The following ITGBL1 variants were observed in gnomAD, a reference collection of about 807,000 sequenced individuals.
The protein encoded by ITGBL1 is integrin subunit beta like 1, also known as integrin beta-like protein 1.
In ITGBL1, 51 loss-of-function variants were observed where a neutral mutation model predicts 68.5. That is an observed-to-expected ratio of 0.74 (90% CI 0.59 to 0.94). ITGBL1 has a LOEUF of 0.94. Ranked by LOEUF, ITGBL1 falls within the 40% of genes least tolerant of loss-of-function variation. ITGBL1 has a pLI of 0.00. For missense variants in ITGBL1, 649 were observed against 647.4 expected (o/e 1.00, Z -0.03); for synonymous variants, 209 against 227.3 (o/e 0.92, Z 0.72).
At chr13:101,709,078 G>C (rs1460061047) in intron 9 of ITGBL1, among the ~76,000 whole-genome samples, 1 of 152,202 alleles carries the variant, frequency 6.6e-6, no homozygotes, top group East Asian at 1.9e-4. Flanking sequence ...AGGAAGAAAA[G>C]CAGGAGGCCG....
chr13:101,631,497 A>G (rs1003260266), intron 7 of ITGBL1, among the ~76,000 whole-genome samples: 1 of 152,140 alleles, frequency 6.6e-6, no homozygotes, highest in African/African-American at 2.4e-5. Flanking sequence ...AGATACCCAC[A>G]CAGAGAAACT....
intron 7 of ITGBL1, among the ~76,000 whole-genome samples, chr13:101,609,392 A>G (rs1314954658): frequency 6.6e-6 from 1 of 152,080 alleles, no homozygotes; most frequent in Non-Finnish European, 1.5e-5. Flanking sequence ...GGTGCTCAGA[A>G]TAGTCATCTA....
intron 7 of ITGBL1, among the ~76,000 whole-genome samples, chr13:101,604,704 C>G (rs2030584052): frequency 6.7e-6 from 1 of 149,918 alleles, no homozygotes; most frequent in Non-Finnish European, 1.5e-5. Context: ...TGAATGAAAA[C>G]TGCAGCTGTG....
At chr13:101,572,436 T>C (rs935231083) in intron 3 of ITGBL1, among the ~76,000 whole-genome samples, 1 of 151,552 alleles carries the variant, frequency 6.6e-6, no homozygotes, top group African/African-American at 2.4e-5. Context: ...TGTACAGGAG[T>C]GTGGGCTGGT....
In ITGBL1 at chr13:101,702,541, A is replaced by G. The variant is rs140260153; in HGVS notation, c.1133-4215A>G. Among the ~76,000 whole-genome samples, 26 of 152,174 alleles carry G rather than the reference A, an allele frequency of 1.7e-4. No homozygotes were observed. In the East Asian group the frequency reaches 4.6e-3, roughly 27 times the overall value. On this transcript the variant is annotated intron_variant, in intron 8 of 10. Transcript: ENST00000376180. ...CTTGCTGTATCCTACACATTTTCAT[A>G]ATATGTATTTTCATTTTCCATATAG...
chr13:101,464,012 G>A (rs570137610), intron 2 of ITGBL1, among the ~76,000 whole-genome samples: 2 of 148,726 alleles, frequency 1.3e-5, no homozygotes, highest in South Asian at 2.1e-4. Flanking sequence ...GGATTCAAAC[G>A]AATCTCCTGC....
chr13:101,471,938 G>C (rs997472523), intron 2 of ITGBL1, among the ~76,000 whole-genome samples: 3 of 152,028 alleles, frequency 2.0e-5, no homozygotes, highest in African/African-American at 7.2e-5. Flanking sequence ...TTATTGACAT[G>C]ATCATAAACA....
intron 7 of ITGBL1, among the ~76,000 whole-genome samples, chr13:101,659,246 A>G (rs2033019936): frequency 6.6e-6 from 1 of 152,120 alleles, no homozygotes; most frequent in South Asian, 2.1e-4. Context: ...AGCTTTAAGA[A>G]CAAATACTGT....
intron 7 of ITGBL1, among the ~76,000 whole-genome samples, chr13:101,616,868 G>A (rs1594933167): frequency 6.6e-6 from 1 of 152,268 alleles, no homozygotes; most frequent in East Asian, 1.9e-4. Context: ...AGGGAGTTGG[G>A]GAATCCCATA....
intron 2 of ITGBL1, among the ~76,000 whole-genome samples, chr13:101,456,005 C>T (rs1256691903): frequency 2.0e-5 from 3 of 152,040 alleles, no homozygotes; most frequent in South Asian, 4.2e-4. Flanking sequence ...TGCTTTTCTC[C>T]GAGAAACTAT....
intron 8 of ITGBL1, among the ~76,000 whole-genome samples, chr13:101,701,106 A>T (rs1395755152): frequency 6.6e-6 from 1 of 152,214 alleles, no homozygotes; most frequent in Non-Finnish European, 1.5e-5. Flanking sequence ...AAAAGAGGGT[A>T]TTGAAAGTTG....
intron 8 of ITGBL1, among the ~76,000 whole-genome samples, chr13:101,695,370 AC>A (rs1359189099): frequency 2.6e-5 from 4 of 151,946 alleles, no homozygotes; most frequent in African/African-American, 9.7e-5. Flanking sequence ...CCAGAGAAAA[AC>A]CCTGTGTGAT....
intron 7 of ITGBL1, among the ~76,000 whole-genome samples, chr13:101,678,285 T>TA (rs2033554395): frequency 6.6e-6 from 1 of 152,206 alleles, no homozygotes; most frequent in Admixed American, 6.5e-5. Context: ...CAAAGACTAA[T>TA]AAAAAGATAA....
intron 2 of ITGBL1, among the ~76,000 whole-genome samples, chr13:101,456,174 GT>G (rs1464347391): frequency 6.6e-6 from 1 of 152,166 alleles, no homozygotes; most frequent in African/African-American, 2.4e-5. Context: ...ATGCATTTCT[GT>G]AGAAGATGAA....
At chr13:101,628,465 C>G (rs1453694926) in intron 7 of ITGBL1, among the ~76,000 whole-genome samples, 2 of 150,148 alleles carry the variant, frequency 1.3e-5, no homozygotes, top group African/African-American at 4.9e-5. Flanking sequence ...CAAAGTCTCG[C>G]TCTGTCACCC....
intron 2 of ITGBL1, among the ~76,000 whole-genome samples, chr13:101,510,410 T>C (rs1344093693): frequency 6.6e-6 from 1 of 152,148 alleles, no homozygotes; most frequent in Non-Finnish European, 1.5e-5. Flanking sequence ...CAATCCACCA[T>C]TGATGGGTAT....
At chr13:101,631,487 A>G (rs2031976394) in intron 7 of ITGBL1, among the ~76,000 whole-genome samples, 2 of 152,132 alleles carry the variant, frequency 1.3e-5, no homozygotes, top group Admixed American at 1.3e-4. Context: ...ACACATTTTC[A>G]GATACCCACA....
chr13:101,550,375 CG>C (rs1015076979), intron 2 of ITGBL1, among the ~76,000 whole-genome samples: 2 of 152,096 alleles, frequency 1.3e-5, no homozygotes, highest in African/African-American at 4.8e-5. Context: ...GCAGGGACCC[CG>C]TATCCTGAGG....
chr13:101,667,397 T>C (rs2139493185), intron 7 of ITGBL1, among the ~76,000 whole-genome samples: 1 of 152,234 alleles, frequency 6.6e-6, no homozygotes, highest in East Asian at 1.9e-4. Flanking sequence ...TAGGTCAAAG[T>C]CTGCTTGGAG....
Sources: gnomAD v4.1 joint callset for allele counts (sites outside exome capture counted in the v4.1 genomes callset) on GRCh38, gnomAD v4.1.1 for gene constraint, MANE v1.5 for transcripts, NCBI Gene and HGNC (gene_info 2026-07-23, HGNC 2026-07-21) for gene names.